The following CYRIB variants were observed in gnomAD, a reference collection of about 807,000 sequenced individuals.
The protein encoded by CYRIB is CYFIP related Rac1 interactor B, also known as CYFIP-related Rac1 interactor B.
In CYRIB, 8 loss-of-function variants were observed where a neutral mutation model predicts 44.2. That is an observed-to-expected ratio of 0.18 (90% CI 0.11 to 0.33). The LOEUF is 0.33. Among genes scored for constraint, CYRIB ranks in the 10% least tolerant of loss-of-function variants. CYRIB has a pLI of 1.00. For synonymous variants in CYRIB, 131 were observed against 127.2 expected (o/e 1.03, Z -0.20); for missense variants, 185 against 382.8 (o/e 0.48, Z 4.31).
chr8:129,855,548 CTCCTAGTACTCATTAAAAGAT>C, intron 6 of CYRIB, 42 bp downstream of exon 8: 1 of 1,533,040 alleles, frequency 6.5e-7, no homozygotes, highest in Admixed American at 1.7e-5. Context: ...CCGGCTCTTC[CTCCTAGTACTCATTAAAAGAT>C]TCATGATTTT....
At position 129,855,715 on chromosome 8, in the gene CYRIB, T is replaced by C. The variant is rs2045880729; in HGVS notation, c.334A>G (p.Thr112Ala). 1 of 1,613,826 alleles carries C rather than the reference T, an allele frequency of 6.2e-7. No individual in the cohort carries two copies. The highest frequency in any genetic ancestry group is 8.5e-7 in the Non-Finnish European group (1 of 1,179,860). ...TGGGTGGGAGAATATGGGGTACTTG[T>C]TAAGGCTCCCAGAAGACCTCTTAAT... Residue 112 changes from threonine (T) to alanine (A), a missense_variant, in exon 6 of 12, where the codon ACA becomes GCA. Transcript: ENST00000519824.
chr8:130,008,030 G>A (rs897039602), intron 1 of CYRIB, among the ~76,000 whole-genome samples: 2 of 152,070 alleles, frequency 1.3e-5, no homozygotes, highest in Non-Finnish European at 2.9e-5. Context: ...CCAACATGGT[G>A]AAACTCCATC....
chr8:129,971,683 C>G (rs754539161), intron 1 of CYRIB, among the ~76,000 whole-genome samples: 9 of 152,170 alleles, frequency 5.9e-5, no homozygotes, highest in East Asian at 1.9e-4. Flanking sequence ...AGCAGCAAGT[C>G]TTGGTCCCAG....
chr8:129,945,157 G>A lies in CYRIB; in HGVS notation c.-243+25786C>T, dbSNP rs552734653. ...TTGCTGTATTGCAGGTAAAAAATGC[G>A]GAACTATGGAAAAGAACCTGTCATC... is the stretch of plus-strand genomic sequence containing the variant. On this transcript the variant is annotated intron_variant, in intron 2 of 14. Coordinates refer to the CYRIB transcript ENST00000401979. 5.0e-4 allele frequency among the ~76,000 whole-genome samples: 76 copies of A among 152,338 alleles called. No homozygotes were observed. The South Asian group carries it at 0.01, about 20-fold the overall frequency.
chr8:129,917,760 G>C (rs1031741255), intron 1 of CYRIB, among the ~76,000 whole-genome samples: 9 of 152,154 alleles, frequency 5.9e-5, no homozygotes, highest in Admixed American at 3.9e-4. Flanking sequence ...AGGAGGCTGA[G>C]ACAGGAGAAT....
chr8:129,843,285 A>G (rs1021621348), intron 11 of CYRIB, among the ~76,000 whole-genome samples: 3 of 152,210 alleles, frequency 2.0e-5, no homozygotes, highest in Non-Finnish European at 4.4e-5. Flanking sequence ...AAGTGCAGTA[A>G]AAGCCAGTGG....
intron 2 of CYRIB, chr8:129,896,844 A>C (rs987272771): frequency 1.3e-5 from 2 of 152,228 alleles, no homozygotes; most frequent in African/African-American, 4.8e-5. Context: ...AAAGCGCAGG[A>C]AACAGGAGGC....
intron 1 of CYRIB, among the ~76,000 whole-genome samples, chr8:130,001,525 C>CTTTTTTTTT (rs1325066581): frequency 5.8e-5 from 7 of 120,350 alleles, no homozygotes; most frequent in Admixed American, 8.7e-5. Flanking sequence ...AAAATAATTT[C>CTTTTTTTTT]TTTTTTTTTT....
intron 6 of CYRIB, among the ~76,000 whole-genome samples, chr8:129,855,023 A>G (rs1477062306): frequency 6.6e-6 from 1 of 152,234 alleles, no homozygotes; most frequent in Non-Finnish European, 1.5e-5. Context: ...AAGAAATTTT[A>G]GCAACATTTT....
At chr8:129,946,443 A>G (rs2094147347) in intron 2 of CYRIB, among the ~76,000 whole-genome samples, 2 of 152,344 alleles carry the variant, frequency 1.3e-5, no homozygotes, top group South Asian at 2.1e-4. Context: ...CACCATAGTC[A>G]GGGACTCCAG....
intron 1 of CYRIB, among the ~76,000 whole-genome samples, chr8:129,924,561 A>G (rs911137034): frequency 2.0e-5 from 3 of 152,268 alleles, no homozygotes; most frequent in African/African-American, 7.2e-5. Context: ...TTTGTCCACG[A>G]CTAGCCTTTA....
exon 12 of CYRIB, chr8:129,841,577 A>T (rs555717112): frequency 1.3e-5 from 2 of 152,840 alleles, no homozygotes; most frequent in East Asian, 3.9e-4. Flanking sequence ...AACGTTAGTT[A>T]ATAAAGGTTA....
At chr8:129,907,376 C>T (rs1381106717) in intron 1 of CYRIB, among the ~76,000 whole-genome samples, 1 of 151,658 alleles carries the variant, frequency 6.6e-6, no homozygotes, top group Non-Finnish European at 1.5e-5. Flanking sequence ...TGTTCTCACT[C>T]ATAGGTGGGA....
intron 2 of CYRIB, among the ~76,000 whole-genome samples, chr8:129,886,988 C>A (rs1215346298): frequency 6.6e-6 from 1 of 151,882 alleles, no homozygotes; most frequent in Non-Finnish European, 1.5e-5. Flanking sequence ...CTAACACACT[C>A]AAAATAAAAT....
At chr8:130,010,561 A>G (rs1366736718) in intron 1 of CYRIB, among the ~76,000 whole-genome samples, 1 of 152,034 alleles carries the variant, frequency 6.6e-6, no homozygotes, top group African/African-American at 2.4e-5. Flanking sequence ...CCCCATCTCA[A>G]TGGCTCACAG....
At chr8:129,869,053 A>AT in intron 4 of CYRIB, among the ~76,000 whole-genome samples, 1 of 102,782 alleles carries the variant, frequency 9.7e-6, no homozygotes, top group South Asian at 3.3e-4. Flanking sequence ...AGAGTTCTAT[A>AT]TTTAAAAAAA....
chr8:129,962,481 G>A (rs2095305336), intron 2 of CYRIB, among the ~76,000 whole-genome samples: 2 of 152,084 alleles, frequency 1.3e-5, no homozygotes, highest in South Asian at 4.2e-4. Flanking sequence ...AAAAATAAAC[G>A]TGGGGTGATG....
chr8:129,887,199 C>T (rs1196954787), intron 2 of CYRIB, among the ~76,000 whole-genome samples: 1 of 152,128 alleles, frequency 6.6e-6, no homozygotes, highest in Non-Finnish European at 1.5e-5. Flanking sequence ...GGGGACACTG[C>T]TCCCTGCATC....
intron 4 of CYRIB, among the ~76,000 whole-genome samples, chr8:129,865,799 C>T (rs1326349650): frequency 2.6e-5 from 4 of 152,134 alleles, no homozygotes; most frequent in African/African-American, 4.8e-5. Flanking sequence ...TTAACCTTAA[C>T]TTTTACAAAC....
Sources: allele counts gnomAD v4.1 joint callset (sites outside exome capture counted in the v4.1 genomes callset), GRCh38; gene constraint gnomAD v4.1.1; transcripts MANE v1.5; gene names NCBI Gene and HGNC (gene_info 2026-07-23, HGNC 2026-07-21).